The following ZZEF1 variants were observed in gnomAD, a reference collection of about 807,000 sequenced individuals.
The protein encoded by ZZEF1 is zinc finger ZZ-type and EF-hand domain containing 1.
A neutral mutation model predicts 342.8 loss-of-function variants in ZZEF1; 157 were observed. That is an observed-to-expected ratio of 0.46 (90% CI 0.40 to 0.52). The LOEUF (loss-of-function observed/expected upper bound fraction) is 0.52. Ranked by LOEUF, ZZEF1 falls within the 20% of genes least tolerant of loss-of-function variation. The pLI is 0.00. For missense variants in ZZEF1, 3,480 were observed against 3,725.6 expected (o/e 0.93, Z 1.72); for synonymous variants, 1,505 against 1,429.1 (o/e 1.05, Z -1.20).
At chr17:4,034,348 C>T (rs1260316476) in intron 39 of ZZEF1, 56 bp from the exon 40 acceptor site, 4 of 1,581,458 alleles carry the variant, frequency 2.5e-6, no homozygotes, top group Non-Finnish European at 3.5e-6. Context: ...ACCAAACTTG[C>T]TAAATATTAT....
At position 4,088,845 on chromosome 17, in the gene ZZEF1, A is replaced by G. The variant is rs139299620; in HGVS notation, c.2074T>C (p.Leu692=). Residue 692 remains leucine (L), a synonymous_variant, in exon 13 of 55, where the codon TTG becomes CTG. Transcript: ENST00000381638. ...LCTRQESAER[L]GVQGLTISGY... ...CTGATGGTCAAGCCTTGCACTCCCA[A>G]GCGCTCTGCTGACTCCTGACGGGTG... is the stretch of plus-strand genomic sequence containing the variant. 7 of 1,614,064 alleles carry G rather than the reference A, an allele frequency of 4.3e-6. No individual in the cohort carries two copies. The African/African-American group carries it at 8.0e-5, about 18-fold the overall frequency.
chr17:4,099,085 CTT>C (rs996775716), intron 9 of ZZEF1, among the ~76,000 whole-genome samples: 3 of 152,078 alleles, frequency 2.0e-5, no homozygotes, highest in African/African-American at 7.2e-5. Flanking sequence ...CGGATAGACT[CTT>C]TTAAAATAAC....
At chr17:4,032,314 A>C in intron 41 of ZZEF1, 56 bp from the exon 42 acceptor site, 1 of 1,581,906 alleles carries the variant, frequency 6.3e-7, no homozygotes, top group Admixed American at 1.9e-5. Context: ...ACAAGAAAGA[A>C]TTCTTAGGCA....
intron 8 of ZZEF1, among the ~76,000 whole-genome samples, chr17:4,104,247 A>G (rs1361730027): frequency 6.6e-6 from 1 of 152,216 alleles, no homozygotes; most frequent in East Asian, 1.9e-4. Flanking sequence ...TATCTTGGCT[A>G]GTTTCCTCCC....
At chr17:4,046,165 C>A (rs62072434) in intron 37 of ZZEF1, among the ~76,000 whole-genome samples, 17,211 of 152,182 alleles carry the variant, frequency 0.11, 1,028 homozygotes, top group Non-Finnish European at 0.13. Flanking sequence ...ACCTTTGATG[C>A]CCTTTTGAGA....
intron 46 of ZZEF1, 142 bp from the exon 47 acceptor site, chr17:4,018,113 T>G (rs2144963623): frequency 9.1e-7 from 1 of 1,099,928 alleles, no homozygotes; most frequent in Non-Finnish European, 1.3e-6. Context: ...TTTTGCCAAC[T>G]GGATTCACAG....
intron 9 of ZZEF1, among the ~76,000 whole-genome samples, chr17:4,097,037 G>A (rs1389488115): frequency 6.6e-6 from 1 of 151,926 alleles, no homozygotes; most frequent in Non-Finnish European, 1.5e-5. Flanking sequence ...CGAGGCGGGT[G>A]GATCACGAGA....
intron 17 of ZZEF1, 141 bp downstream of exon 17, chr17:4,082,296 G>A (rs567515102): frequency 2.3e-5 from 16 of 689,926 alleles, no homozygotes; most frequent in Admixed American, 1.5e-4. Context: ...ACCACTATTT[G>A]GGTCACCCAC....
In ZZEF1 at chr17:4,052,139, G is replaced by A. The variant is rs946756725; in HGVS notation, c.5435-3C>T. 3.1e-6 allele frequency: 5 copies of A among 1,609,152 alleles called. No individual in the cohort carries two copies. Among genetic ancestry groups the A allele is most frequent in the Non-Finnish European group, 4.2e-6 (5 of 1,177,692 alleles). On this transcript the variant is annotated splice_region_variant and splice_polypyrimidine_tract_variant and intron_variant, in intron 34 of 54. Transcript: ENST00000381638. ...GTGGCCCTCAGGCTTCACCCCACCT[G>A]AGGAGAAACACAGCAGTGTGAGGGG...
chr17:4,024,984 G>A lies in ZZEF1; in HGVS notation c.7027C>T (p.Pro2343Ser), dbSNP rs779149087. 6.2e-7 allele frequency: 1 copy of A among 1,614,140 alleles called. No individual in the cohort carries two copies. The highest frequency in any genetic ancestry group is 1.7e-5 in the Admixed American group (1 of 60,020). Residue 2343 changes from proline to serine, a missense_variant, in exon 43 of 55, where the codon CCC becomes TCC. Physicochemically the swap from Pro to Ser is moderately conservative, Grantham distance 74. Transcript: ENST00000381638. ...ACCCAAGTTGCTTCTACTGCCTCGG[G>A]ACAATGGCTGTCCATGCTGCTTTGC... ...LLQSSMDSHCPEAVEATWVLS... is the reference protein window; with the variant it reads ...LLQSSMDSHCSEAVEATWVLS...
intron 34 of ZZEF1, among the ~76,000 whole-genome samples, chr17:4,052,452 G>A (rs1201705106): frequency 2.0e-5 from 3 of 152,182 alleles, no homozygotes; most frequent in Non-Finnish European, 2.9e-5. Context: ...CAAAGAGTAA[G>A]CTTCTGTTGA....
rs934794395 is a variant in ZZEF1 at position 4,062,744 on chromosome 17, T to C, written c.4883+9A>G. 8.8e-6 allele frequency: 14 copies of C among 1,592,452 alleles called. No homozygotes were observed. The highest frequency in any genetic ancestry group is 1.2e-5 in the Non-Finnish European group (14 of 1,168,468). ...CTGTTTTCCTTCTGGACCTGTCCTT[T>C]GTACTTACTTGGTAAAATCTTTCTG... On this transcript the variant is annotated intron_variant, in intron 30 of 54. Coordinates refer to ENST00000381638, the MANE Select transcript of ZZEF1 (RefSeq NM_015113.4).
intron 32 of ZZEF1, 122 bp downstream of exon 32, chr17:4,057,872 G>T: frequency 9.7e-7 from 1 of 1,027,974 alleles, no homozygotes; most frequent in Non-Finnish European, 1.4e-6. Context: ...CTAGGATGTG[G>T]CAAAGCCAAG....
chr17:4,080,893 G>C lies in ZZEF1; in HGVS notation c.2829+483C>G, dbSNP rs951043506. 2.0e-5 allele frequency among the ~76,000 whole-genome samples: 3 copies of C among 152,146 alleles called. No homozygotes were observed. In the East Asian group the frequency reaches 5.8e-4, roughly 29 times the overall value. On this transcript the variant is annotated intron_variant, in intron 18 of 54. Coordinates refer to ENST00000381638, the MANE Select transcript of ZZEF1 (RefSeq NM_015113.4). ...AACCGTAACATGCCCTCACTCGTTT[G>C]CAAGGGCTGGCTGGGAAACCTTTGT...
At chr17:4,109,459 A>G (rs1039674979) in intron 6 of ZZEF1, among the ~76,000 whole-genome samples, 194 bp downstream of exon 6, 21 of 152,262 alleles carry the variant, frequency 1.4e-4, no homozygotes, top group Admixed American at 1.2e-3. Flanking sequence ...TTCAGTCTGT[A>G]AAGTCAGAAC....
intron 17 of ZZEF1, 102 bp from the exon 18 acceptor site, chr17:4,081,592 T>C: frequency 1.0e-6 from 1 of 970,472 alleles, no homozygotes; most frequent in Admixed American, 2.3e-5. Context: ...TTCAGTGTCA[T>C]TTCCATGGGA....
chr17:4,071,020 A>G, intron 25 of ZZEF1, 96 bp from the exon 26 acceptor site: 5 of 1,381,892 alleles, frequency 3.6e-6, no homozygotes, highest in Non-Finnish European at 4.9e-6. Context: ...AGTATAAAAC[A>G]CAGTGAACAC....
intron 51 of ZZEF1, among the ~76,000 whole-genome samples, chr17:4,013,865 C>T (rs377446687): frequency 2.5e-4 from 38 of 152,236 alleles, no homozygotes; most frequent in East Asian, 1.7e-3. Flanking sequence ...GCATCTTTTT[C>T]GGGTCCTGAC....
chr17:4,017,216 G>A lies in ZZEF1; in HGVS notation c.8001+155C>T, dbSNP rs190925267. 56 of 1,063,438 alleles carry A rather than the reference G, an allele frequency of 5.3e-5. No individual in the cohort carries two copies. The highest frequency in any genetic ancestry group is 2.9e-4 in the Admixed American group (10 of 34,856). 65.9% of individuals were successfully genotyped at this position (1,063,438 alleles called of 1,614,324 possible). A position where few individuals can be genotyped will look rare whatever the true frequency, so the allele number is the denominator to read the frequency against. ...TTCCTCACTAGCCCAATCCTTGGGA[G>A]AGGATACAGTGACCCTACCTTTGCT... On this transcript the variant is annotated intron_variant, in intron 48 of 54. Coordinates refer to ENST00000381638, the MANE Select transcript of ZZEF1 (RefSeq NM_015113.4). The surrounding 1 kb of genome is among the most constrained non-coding windows in gnomAD (Gnocchi z 5.1).
Sources: gnomAD v4.1 joint callset for allele counts (sites outside exome capture counted in the v4.1 genomes callset) on GRCh38, gnomAD v4.1.1 for gene constraint, Gnocchi (gnomAD v3.1) non-coding constraint, MANE v1.5 for transcripts, NCBI Gene and HGNC (gene_info 2026-07-23, HGNC 2026-07-21) for gene names.